ZNF438: variants seen among roughly 807,000 people sequenced by gnomAD.
ZNF438 encodes zinc finger protein 438.
ZNF438 carries 25 observed loss-of-function variants against 38.0 expected under a neutral mutation model. That is an observed-to-expected ratio of 0.66 (90% confidence interval 0.48 to 0.92). The LOEUF (loss-of-function observed/expected upper bound fraction) is 0.92, where lower values mean the gene tolerates loss of function less well. ZNF438 is among the 40% of genes least tolerant of loss of function. ZNF438 has a pLI of 0.00. For missense variants in ZNF438, 1,007 were observed against 999.6 expected, an observed-to-expected ratio of 1.01 and a Z score of -0.10; for synonymous variants, 372 against 364.1, an observed-to-expected ratio of 1.02 and a Z score of -0.25.
chr10:30,902,709 T>C (rs888980758), intron 3 of ZNF438, among the ~76,000 whole-genome samples: 2 of 152,204 alleles, frequency 1.3e-5, no homozygotes, highest in African/African-American at 4.8e-5. Flanking sequence ...CACAAAAGTT[T>C]TCCAAGTCCT....
In ZNF438 at chr10:30,883,691, GAAACCCATCTCTACAAAAAATACAAA is replaced by G. The variant is rs1157262537; in HGVS notation, c.-31-6652_-31-6627del. Among the ~76,000 whole-genome samples, 6 of 152,030 alleles carry G rather than the reference GAAACCCATCTCTACAAAAAATACAAA, an allele frequency of 3.9e-5. No individual in the cohort carries two copies. In the East Asian group the frequency reaches 5.8e-4, roughly 15 times the overall value. ...TTGAGACCAGCCTGAGCAACACAGTGAAACCCATCTCTACAAAAAATACAAAAAACCCATCTCTACAAAAAATACAA... is the reference window on the plus strand; with the variant it reads ...TTGAGACCAGCCTGAGCAACACAGTGAAACCCATCTCTACAAAAAATACAA... On this transcript the variant is annotated intron_variant, in intron 3 of 5. Coordinates refer to ENST00000413025, the Ensembl canonical transcript of ZNF438.
At chr10:30,916,936 A>T (rs1043101738) in intron 2 of ZNF438, among the ~76,000 whole-genome samples, 1 of 152,098 alleles carries the variant, frequency 6.6e-6, no homozygotes, top group African/African-American at 2.4e-5. Context: ...ATTTTTGCCA[A>T]TCTAATGGAC....
chr10:30,844,674 G>C (rs1588694184), exon 6 of ZNF438: 1 of 322,478 alleles, frequency 3.1e-6, no homozygotes, highest in East Asian at 6.6e-5. Flanking sequence ...CCTATATTCT[G>C]CTAAATTTCA....
At chr10:30,974,825 A>G (rs1347559265) in intron 1 of ZNF438, among the ~76,000 whole-genome samples, 1 of 152,256 alleles carries the variant, frequency 6.6e-6, no homozygotes, top group African/African-American at 2.4e-5. Context: ...TAATAAATCT[A>G]GTCTGAGACT....
intron 3 of ZNF438, among the ~76,000 whole-genome samples, chr10:30,898,273 GAAC>G (rs1014481747): frequency 2.6e-5 from 4 of 152,056 alleles, no homozygotes; most frequent in Non-Finnish European, 5.9e-5. Flanking sequence ...TCAACAATGA[GAAC>G]AACAAGAATA....
At position 30,970,135 on chromosome 10, in the gene ZNF438, CACACACACAT is replaced by C. The variant is rs1253604286; in HGVS notation, c.-191-28494_-191-28485del. Among the ~76,000 whole-genome samples, 9 of 150,382 alleles carry C rather than the reference CACACACACAT, an allele frequency of 6.0e-5. No homozygotes were observed. The South Asian group carries it at 6.4e-4, about 11-fold the overall frequency. ...ACACACACACACACACACACACACA[CACACACACAT>C]ATACACACACACACATATATTAGGC... On this transcript the variant is annotated intron_variant, in intron 1 of 5. Coordinates refer to ENST00000413025, the Ensembl canonical transcript of ZNF438.
At chr10:30,980,405 G>C (rs1489278870) in intron 1 of ZNF438, among the ~76,000 whole-genome samples, 3 of 152,092 alleles carry the variant, frequency 2.0e-5, no homozygotes, top group Admixed American at 1.3e-4. Flanking sequence ...GGTGAGGAGT[G>C]GGGTAGGAGT....
At chr10:30,929,586 T>C (rs776943118) in intron 2 of ZNF438, among the ~76,000 whole-genome samples, 1 of 152,176 alleles carries the variant, frequency 6.6e-6, no homozygotes, top group East Asian at 1.9e-4. Flanking sequence ...ACAAACAAAG[T>C]ACGGAAGGGG....
At chr10:30,946,369 C>G (rs2047410623) in intron 1 of ZNF438, among the ~76,000 whole-genome samples, 1 of 152,174 alleles carries the variant, frequency 6.6e-6, no homozygotes, top group South Asian at 2.1e-4. Flanking sequence ...TAAACAGCTT[C>G]TGCACAGCAA....
intron 1 of ZNF438, among the ~76,000 whole-genome samples, chr10:31,004,194 C>T (rs1429820428): frequency 6.6e-6 from 1 of 152,128 alleles, no homozygotes; most frequent in Non-Finnish European, 1.5e-5. Context: ...TCCTACAATC[C>T]ACAAGACATC....
At chr10:30,920,955 T>G (rs1265172320) in intron 2 of ZNF438, 1 of 152,224 alleles carries the variant, frequency 6.6e-6, no homozygotes, top group Non-Finnish European at 1.5e-5. Context: ...ATATTTCACT[T>G]TTGTCACCAA....
chr10:30,888,294 G>A (rs2040212527), intron 3 of ZNF438, among the ~76,000 whole-genome samples: 1 of 151,236 alleles, frequency 6.6e-6, no homozygotes, highest in Admixed American at 6.6e-5. Flanking sequence ...TTTCTCAAGA[G>A]CAAGAGAACC....
chr10:30,882,281 A>G (rs1222582016), intron 3 of ZNF438, among the ~76,000 whole-genome samples: 1 of 152,230 alleles, frequency 6.6e-6, no homozygotes, highest in Admixed American at 6.5e-5. Context: ...CCTGCAAATA[A>G]GAACATAAGA....
At chr10:30,879,987 A>T (rs1242839546) in intron 3 of ZNF438, among the ~76,000 whole-genome samples, 2 of 152,198 alleles carry the variant, frequency 1.3e-5, no homozygotes, top group East Asian at 3.8e-4. Flanking sequence ...CTGATTCACG[A>T]GAAACATGAA....
At chr10:30,849,919 G>C (rs768759312) in exon 5 of ZNF438, 1 of 1,614,170 alleles carries the variant, frequency 6.2e-7, no homozygotes, top group African/African-American at 1.3e-5. Flanking sequence ...GGTGAGGTGG[G>C]GAAGGGGACA....
chr10:30,899,342 CAT>C (rs2041725271), intron 3 of ZNF438, among the ~76,000 whole-genome samples: 1 of 152,134 alleles, frequency 6.6e-6, no homozygotes, highest in Admixed American at 6.5e-5. Context: ...AGAAACAGCA[CAT>C]AGACAGAAGA....
At chr10:30,885,033 T>G (rs1301273661) in intron 3 of ZNF438, among the ~76,000 whole-genome samples, 1 of 152,240 alleles carries the variant, frequency 6.6e-6, no homozygotes, top group African/African-American at 2.4e-5. Context: ...GCGATGTAGA[T>G]GTCAATCTAG....
chr10:30,905,024 C>G (rs1294494419), intron 3 of ZNF438, among the ~76,000 whole-genome samples: 1 of 152,130 alleles, frequency 6.6e-6, no homozygotes, highest in Non-Finnish European at 1.5e-5. Context: ...ATATGGTACC[C>G]TAAGAATTTG....
intron 4 of ZNF438, among the ~76,000 whole-genome samples, chr10:30,876,305 C>A (rs909938972): frequency 6.6e-6 from 1 of 152,140 alleles, no homozygotes; most frequent in Non-Finnish European, 1.5e-5. Flanking sequence ...CAGAACTTCT[C>A]TTCTGTGTGG....
Sources: gnomAD v4.1 joint callset for allele counts (sites outside exome capture counted in the v4.1 genomes callset) on GRCh38, gnomAD v4.1.1 for gene constraint, MANE v1.5 for transcripts, NCBI Gene and HGNC (gene_info 2026-07-23, HGNC 2026-07-21) for gene names.